DOCK1: variants seen among roughly 807,000 people sequenced by gnomAD.
DOCK1 encodes the protein dedicator of cytokinesis 1.
Under a neutral mutation model 262.7 loss-of-function variants are expected in DOCK1, and 138 were observed. The ratio of observed to expected loss-of-function variants is 0.53; its 90% CI spans 0.46 to 0.61. The LOEUF (loss-of-function observed/expected upper bound fraction) is 0.61. Among genes scored for constraint, DOCK1 ranks in the 20% least tolerant of loss-of-function variants. The pLI is 0.00. For synonymous variants in DOCK1, 866 were observed against 867.4 expected (o/e 1.00, Z 0.03); for missense variants, 1,908 against 2,370.7 (o/e 0.80, Z 4.05).
At chr10:127,398,836 C>A (rs2067065753) in intron 38 of DOCK1, among the ~76,000 whole-genome samples, 1 of 152,170 alleles carries the variant, frequency 6.6e-6, no homozygotes, top group African/African-American at 2.4e-5. Context: ...TGCTGCTGTT[C>A]CCTTGTCCTG....
chr10:127,349,467 G>A (rs544272155), intron 31 of DOCK1, among the ~76,000 whole-genome samples: 15 of 152,226 alleles, frequency 9.9e-5, no homozygotes, highest in African/African-American at 3.4e-4. Context: ...TCAAGTGGCG[G>A]TGGGGGTTCC....
chr10:127,380,944 T>C (rs2065791530), intron 36 of DOCK1, among the ~76,000 whole-genome samples: 1 of 152,250 alleles, frequency 6.6e-6, no homozygotes, highest in Non-Finnish European at 1.5e-5. Flanking sequence ...GATGGATTTG[T>C]ATTTTTACGG....
At position 126,905,513 on chromosome 10, in the gene DOCK1, G is replaced by T; in HGVS notation, c.-5G>T. ...TGCCCGACCCGCGGCGGCTCCGGCG[G>T]CGCCATGACGCGCTGGGTGCCCACC... On this transcript the variant is annotated 5_prime_UTR_variant, in exon 1 of 52. Coordinates refer to ENST00000623213, the MANE Select transcript of DOCK1 (RefSeq NM_001290223.2). The T allele has an allele frequency of 1.9e-6, 1 of 533,882 alleles. No individual in the cohort carries two copies. The allele number at this position is 533,882 out of a possible 1,614,324, so 33.1% of individuals were successfully genotyped here.
intron 42 of DOCK1, 110 bp from the exon 43 acceptor site, chr10:127,410,730 G>A (rs1375379535): frequency 1.1e-6 from 1 of 944,002 alleles, no homozygotes; most frequent in African/African-American, 1.7e-5. Context: ...GTCAAGGTTA[G>A]GGACATTTTA....
chr10:127,257,227 G>C, intron 28 of DOCK1, 108 bp from the exon 29 acceptor site: 1 of 879,368 alleles, frequency 1.1e-6, no homozygotes, highest in Non-Finnish European at 1.8e-6. Context: ...TTCAGGATGT[G>C]TTCATTCAGC....
chr10:127,125,660 G>A (rs2133078275), intron 26 of DOCK1, 59 bp downstream of exon 26: 1 of 1,585,540 alleles, frequency 6.3e-7, no homozygotes, highest in East Asian at 2.3e-5. Flanking sequence ...CATTTGCCTT[G>A]CAGTACAACT....
chr10:127,140,638 A>G (rs2489395), intron 27 of DOCK1, among the ~76,000 whole-genome samples: 54 of 147,014 alleles, frequency 3.7e-4, no homozygotes, highest in South Asian at 9.2e-4. Context: ...TTGACACACC[A>G]AGTCTCTGGG....
intron 29 of DOCK1, among the ~76,000 whole-genome samples, chr10:127,268,916 C>G (rs903036534): frequency 4.6e-5 from 7 of 152,142 alleles, no homozygotes; most frequent in Non-Finnish European, 7.4e-5. Context: ...TCTCAGGGTG[C>G]TTGGGCTGCC....
At chr10:127,351,926 G>T (rs1374584502) in intron 31 of DOCK1, among the ~76,000 whole-genome samples, 1 of 151,934 alleles carries the variant, frequency 6.6e-6, no homozygotes, top group Non-Finnish European at 1.5e-5. Flanking sequence ...CACTGCTGCT[G>T]CTCCCTTGTC....
chr10:127,325,233 C>G (rs11017325), intron 29 of DOCK1, among the ~76,000 whole-genome samples: 3,212 of 151,986 alleles, frequency 0.021, 102 homozygotes, highest in African/African-American at 0.073. Flanking sequence ...CCACCCAGGT[C>G]ACTCTCATGG....
intron 29 of DOCK1, among the ~76,000 whole-genome samples, chr10:127,312,663 G>C (rs1253891125): frequency 1.3e-5 from 2 of 152,076 alleles, no homozygotes; most frequent in Non-Finnish European, 2.9e-5. Context: ...TTGTTGAGTG[G>C]GCTGCTGAGT....
At chr10:127,125,339 C>A in intron 25 of DOCK1, 135 bp from the exon 26 acceptor site, 2 of 1,196,562 alleles carry the variant, frequency 1.7e-6, no homozygotes, top group Non-Finnish European at 2.3e-6. Flanking sequence ...AAGTAATTGA[C>A]CCCCCTCCAG....
intron 1 of DOCK1, among the ~76,000 whole-genome samples, chr10:126,952,161 A>G (rs1483147946): frequency 6.6e-6 from 1 of 151,924 alleles, no homozygotes; most frequent in Non-Finnish European, 1.5e-5. Flanking sequence ...CTCTTCGTTT[A>G]TATAGGGTGT....
chr10:127,008,951 TA>T, intron 11 of DOCK1, 147 bp downstream of exon 11: 1 of 805,206 alleles, frequency 1.2e-6, no homozygotes, highest in East Asian at 2.7e-5. Flanking sequence ...ACTGCTGTAG[TA>T]CATGGAATTT....
Position 127,339,024 on chromosome 10 carries a change from TA to T in DOCK1, c.3065del (p.Asn1022IlefsTer7), listed in dbSNP as rs1344707502. 1 of 1,582,326 alleles carries T rather than the reference TA, an allele frequency of 6.3e-7. No homozygotes were observed. Among genetic ancestry groups the T allele is most frequent in the East Asian group, 2.3e-5 (1 of 43,704 alleles). Reference protein sequence around the residue: ...VQNKVFLRAINQYADMLNKKF... With the variant: ...VQNKVFLRAIXQYADMLNKKF... ...CTTTCAGAGTCTTCCTGCGAGCAAT[TA>T]ATCAGTATGCAGATATGCTGAACAA... is the stretch of plus-strand genomic sequence containing the variant. On this transcript the variant is annotated frameshift_variant, in exon 30 of 52. Transcript: ENST00000623213. LOFTEE classifies it high-confidence loss of function.
intron 29 of DOCK1, among the ~76,000 whole-genome samples, chr10:127,262,730 G>A (rs906502428): frequency 2.0e-5 from 3 of 152,148 alleles, no homozygotes; most frequent in African/African-American, 7.2e-5. Context: ...CCCATTCTTT[G>A]TGAGGCATTG....
At chr10:127,019,877 T>TC (rs1250276255) in intron 13 of DOCK1, among the ~76,000 whole-genome samples, 1 of 152,118 alleles carries the variant, frequency 6.6e-6, no homozygotes, top group East Asian at 1.9e-4. Context: ...GGGGACAAAC[T>TC]CCCCCATATT....
At chr10:127,395,555 C>T (rs2066773423) in intron 38 of DOCK1, among the ~76,000 whole-genome samples, 2 of 152,188 alleles carry the variant, frequency 1.3e-5, no homozygotes. Context: ...TGTATTGTCT[C>T]CTGAAGATTT....
At chr10:127,285,424 G>A (rs1365351324) in intron 29 of DOCK1, among the ~76,000 whole-genome samples, 1 of 152,206 alleles carries the variant, frequency 6.6e-6, no homozygotes. Context: ...AGAAGTAAAT[G>A]GCTCATCCTC....
Sources: allele counts gnomAD v4.1 joint callset (sites outside exome capture counted in the v4.1 genomes callset), GRCh38; gene constraint gnomAD v4.1.1; transcripts MANE v1.5; gene names NCBI Gene and HGNC (gene_info 2026-07-23, HGNC 2026-07-21).